Variants in DGKI observed in about 807,000 individuals in gnomAD.
DGKI encodes diacylglycerol kinase iota.
A neutral mutation model predicts 147.5 loss-of-function variants in DGKI; 55 were observed. The observed-to-expected ratio is 0.37, with a 90% CI of 0.30 to 0.47. The LOEUF (loss-of-function observed/expected upper bound fraction) is 0.47, where lower values mean the gene tolerates loss of function less well. Ranked by LOEUF, DGKI falls within the 20% of genes least tolerant of loss-of-function variation. The probability of loss-of-function intolerance (pLI) is 1.00; values close to 1 mark genes in which losing one functional copy is unlikely to be tolerated. For synonymous variants in DGKI, 469 were observed against 477.1 expected (o/e 0.98, Z 0.22); for missense variants, 1,007 against 1,323.8 (o/e 0.76, Z 3.71).
At position 137,389,605 on chromosome 7, in the gene DGKI, T is replaced by G. The variant is rs934254965; in HGVS notation, c.*1615A>C. 4.6e-5 allele frequency: 7 copies of G among 152,144 alleles called. No homozygotes were observed. The highest frequency in any genetic ancestry group is 1.7e-4 in the African/African-American group (7 of 41,446). 9.4% of individuals were successfully genotyped at this position (152,144 alleles called of 1,614,324 possible). A position where few individuals can be genotyped will look rare whatever the true frequency, so the allele number is the denominator to read the frequency against. Reference sequence around the variant, plus strand: ...AGGAGACGTCAGATTTCGCCAAAAGTAAAATCCTTGGACACCTACTTTTAT... The same window carrying G: ...AGGAGACGTCAGATTTCGCCAAAAGGAAAATCCTTGGACACCTACTTTTAT... On this transcript the variant is annotated 3_prime_UTR_variant, in exon 33 of 33. Transcript: ENST00000614521.
chr7:137,640,102 A>G (rs1412688214), intron 6 of DGKI, among the ~76,000 whole-genome samples: 1 of 151,850 alleles, frequency 6.6e-6, no homozygotes, highest in African/African-American at 2.4e-5. Context: ...TACAGGCACT[A>G]TGGTGTACAG....
intron 28 of DGKI, among the ~76,000 whole-genome samples, chr7:137,435,980 AT>A (rs1813265336): frequency 6.6e-6 from 1 of 152,154 alleles, no homozygotes. Flanking sequence ...AGGTTTCACG[AT>A]GTTGGCTAGG....
At chr7:137,426,348 C>T (rs1812804696) in intron 28 of DGKI, among the ~76,000 whole-genome samples, 1 of 152,088 alleles carries the variant, frequency 6.6e-6, no homozygotes, top group Non-Finnish European at 1.5e-5. Context: ...CAAGCAAATG[C>T]TGAGAGATTT....
chr7:137,709,514 T>C (rs978408782), intron 1 of DGKI, among the ~76,000 whole-genome samples: 2 of 152,196 alleles, frequency 1.3e-5, no homozygotes, highest in African/African-American at 4.8e-5. Context: ...CTTTCCAACA[T>C]ATCTGACCAC....
chr7:137,488,595 C>T (rs1247897076), intron 21 of DGKI, among the ~76,000 whole-genome samples: 1 of 152,110 alleles, frequency 6.6e-6, no homozygotes, highest in Non-Finnish European at 1.5e-5. Flanking sequence ...ATAAAACCTT[C>T]AAAATTTTGA....
At chr7:137,524,186 G>A (rs1170219394) in intron 20 of DGKI, among the ~76,000 whole-genome samples, 6 of 151,910 alleles carry the variant, frequency 3.9e-5, no homozygotes, top group African/African-American at 1.5e-4. Context: ...TTCATTTAGA[G>A]GGAAGTGTGG....
At chr7:137,516,486 T>C (rs548883338) in intron 21 of DGKI, among the ~76,000 whole-genome samples, 2 of 152,214 alleles carry the variant, frequency 1.3e-5, no homozygotes, top group South Asian at 4.1e-4. Flanking sequence ...ATTATTTAAA[T>C]GACGTTTGCT....
At chr7:137,441,635 C>T (rs975137295) in intron 28 of DGKI, among the ~76,000 whole-genome samples, 6 of 152,028 alleles carry the variant, frequency 3.9e-5, no homozygotes, top group African/African-American at 1.4e-4. Flanking sequence ...GGTTATTGGA[C>T]GTTGCAAAAT....
intron 10 of DGKI, among the ~76,000 whole-genome samples, chr7:137,605,871 T>A (rs1209421910): frequency 6.6e-6 from 1 of 152,138 alleles, no homozygotes; most frequent in South Asian, 2.1e-4. Flanking sequence ...TACAATTACA[T>A]AGAAGAAATA....
chr7:137,564,942 C>T (rs1440718083), intron 19 of DGKI, among the ~76,000 whole-genome samples: 2 of 152,228 alleles, frequency 1.3e-5, no homozygotes, highest in African/African-American at 4.8e-5. Context: ...GGAACTCTGT[C>T]TACTAAATCA....
At chr7:137,500,425 T>G (rs576488185) in intron 21 of DGKI, among the ~76,000 whole-genome samples, 2 of 152,298 alleles carry the variant, frequency 1.3e-5, no homozygotes, top group South Asian at 4.1e-4. Context: ...TACTTGAACT[T>G]ATTATGCAAA....
chr7:137,489,711 T>C (rs571902866), intron 21 of DGKI, among the ~76,000 whole-genome samples: 6 of 152,296 alleles, frequency 3.9e-5, no homozygotes, highest in East Asian at 1.9e-4. Flanking sequence ...AGCATCCACA[T>C]TGGAATCTTG....
intron 20 of DGKI, among the ~76,000 whole-genome samples, chr7:137,522,328 C>T (rs552692254): frequency 1.3e-5 from 2 of 152,054 alleles, no homozygotes; most frequent in South Asian, 2.1e-4. Context: ...GCTTTAAGAA[C>T]CACAGGCAGA....
At chr7:137,704,475 GA>G (rs1042825184) in intron 1 of DGKI, among the ~76,000 whole-genome samples, 1 of 151,130 alleles carries the variant, frequency 6.6e-6, no homozygotes, top group Non-Finnish European at 1.5e-5. Flanking sequence ...AGAGAGACAG[GA>G]AAAAAAAGGG....
At chr7:137,754,445 G>T (rs564994048) in intron 1 of DGKI, among the ~76,000 whole-genome samples, 28 of 152,310 alleles carry the variant, frequency 1.8e-4, no homozygotes, top group African/African-American at 6.0e-4. Flanking sequence ...GGAGACTGCT[G>T]CGTGACCAGC....
At chr7:137,744,002 A>AAC (rs1315558422) in intron 1 of DGKI, among the ~76,000 whole-genome samples, 3 of 151,452 alleles carry the variant, frequency 2.0e-5, no homozygotes, top group Non-Finnish European at 4.4e-5. Flanking sequence ...AAAAAAAAAA[A>AAC]ACTAATCCCA....
intron 6 of DGKI, among the ~76,000 whole-genome samples, chr7:137,628,587 T>C (rs566955854): frequency 6.6e-6 from 1 of 152,320 alleles, no homozygotes; most frequent in Non-Finnish European, 1.5e-5. Flanking sequence ...ACAGATGCCC[T>C]GACTGAAGTT....
chr7:137,789,638 C>T (rs1268759321), intron 1 of DGKI, among the ~76,000 whole-genome samples: 4 of 152,148 alleles, frequency 2.6e-5, no homozygotes, highest in Non-Finnish European at 5.9e-5. Context: ...CACAAAACAT[C>T]AGCTGGAACA....
At chr7:137,757,765 G>T (rs543439758) in intron 1 of DGKI, among the ~76,000 whole-genome samples, 1 of 152,276 alleles carries the variant, frequency 6.6e-6, no homozygotes, top group East Asian at 1.9e-4. Flanking sequence ...GTTCCCCAAG[G>T]CACTGGGCAC....
Sources: allele counts gnomAD v4.1 joint callset (sites outside exome capture counted in the v4.1 genomes callset), GRCh38; gene constraint gnomAD v4.1.1; transcripts MANE v1.5; gene names NCBI Gene and HGNC (gene_info 2026-07-23, HGNC 2026-07-21).